The following POLR3B variants were observed in gnomAD, a reference collection of about 807,000 sequenced individuals.
The protein encoded by POLR3B is DNA-directed RNA polymerase III subunit RPC2.
A neutral mutation model predicts 147.4 loss-of-function variants in POLR3B; 96 were observed. The observed-to-expected ratio is 0.65, with a 90% confidence interval of 0.55 to 0.77. The LOEUF (loss-of-function observed/expected upper bound fraction) is 0.77. Among genes scored for constraint, POLR3B ranks in the 30% least tolerant of loss-of-function variants. The probability of loss-of-function intolerance (pLI) is 0.00; values close to 1 mark genes in which losing one functional copy is unlikely to be tolerated. For missense variants in POLR3B, 1,036 were observed against 1,413.5 expected, an observed-to-expected ratio of 0.73 and a Z score of 4.28; for synonymous variants, 461 against 485.9, an observed-to-expected ratio of 0.95 and a Z score of 0.67.
chr12:106,370,630 TG>T (rs1479893124), intron 6 of POLR3B, among the ~76,000 whole-genome samples: 99 of 149,760 alleles, frequency 6.6e-4, no homozygotes, highest in South Asian at 2.5e-3. Flanking sequence ...TTTGTTTTAT[TG>T]TTTTTTTTTT....
chr12:106,381,759 G>A (rs1255471449), intron 9 of POLR3B, among the ~76,000 whole-genome samples: 1 of 152,176 alleles, frequency 6.6e-6, no homozygotes. Flanking sequence ...TAAAGTGAAA[G>A]CAAGTTTATA....
At chr12:106,406,355 G>T (rs556209538) in intron 11 of POLR3B, among the ~76,000 whole-genome samples, 1 of 152,114 alleles carries the variant, frequency 6.6e-6, no homozygotes, top group South Asian at 2.1e-4. Flanking sequence ...ATTTTTTATT[G>T]TATGGTAAAA....
chr12:106,384,020 C>T (rs953269187), intron 9 of POLR3B, among the ~76,000 whole-genome samples: 7 of 150,972 alleles, frequency 4.6e-5, no homozygotes, highest in Non-Finnish European at 1.0e-4. Context: ...TCATTGATCA[C>T]AGGTCCCCAT....
At chr12:106,367,158 C>G (rs1025245534) in intron 4 of POLR3B, among the ~76,000 whole-genome samples, 2 of 152,070 alleles carry the variant, frequency 1.3e-5, no homozygotes, top group Non-Finnish European at 2.9e-5. Context: ...ATAAAGTGCT[C>G]AAATTAAATT....
At position 106,402,668 on chromosome 12, in the gene POLR3B, A is replaced by T. The variant is rs1483370539; in HGVS notation, c.847-3189A>T. On this transcript the variant is annotated intron_variant, in intron 10 of 27. Coordinates refer to ENST00000228347, the MANE Select transcript of POLR3B (RefSeq NM_018082.6). Reference sequence around the variant, plus strand: ...GAAATAATGCCACATATCTACAACTATCTGATCTTTGACAAACCTGACAAA... The same window carrying T: ...GAAATAATGCCACATATCTACAACTTTCTGATCTTTGACAAACCTGACAAA... 1.2e-4 allele frequency among the ~76,000 whole-genome samples: 18 copies of T among 152,302 alleles called. No homozygotes were observed. In the East Asian group the frequency reaches 3.5e-3, roughly 29 times the overall value.
intron 23 of POLR3B, among the ~76,000 whole-genome samples, chr12:106,484,251 C>T (rs10444532): frequency 0.24 from 36,152 of 151,992 alleles, 4,697 homozygotes; most frequent in African/African-American, 0.33. Context: ...GGTTTTAATC[C>T]GGTAAACGAT....
intron 19 of POLR3B, among the ~76,000 whole-genome samples, chr12:106,445,388 A>C (rs1041810805): frequency 6.6e-6 from 1 of 152,142 alleles, no homozygotes; most frequent in Non-Finnish European, 1.5e-5. Context: ...TTTTTTCTGA[A>C]GGGTAGAGCT....
chr12:106,492,252 T>G (rs2038416475), intron 23 of POLR3B, among the ~76,000 whole-genome samples: 1 of 152,164 alleles, frequency 6.6e-6, no homozygotes, highest in Non-Finnish European at 1.5e-5. Flanking sequence ...CTTGAATATG[T>G]CAGTTGCTGT....
Position 106,414,221 on chromosome 12 carries a change from T to TAAA in POLR3B, c.1101+3279_1101+3281dup, listed in dbSNP as rs5800711. ...CCATGTTCAGGATGGGATACAAAAG[T>TAAA]AAAAAAAAAAAAAAAAAAAATTCCA... On this transcript the variant is annotated intron_variant, in intron 12 of 27. Transcript: ENST00000228347. Among the ~76,000 whole-genome samples, 551 of 121,054 alleles carry TAAA rather than the reference T, an allele frequency of 4.6e-3. 11 individuals are homozygous for TAAA. The highest frequency in any genetic ancestry group is 0.013 in the South Asian group (49 of 3,738). The allele number at this position is 121,054 out of a possible 152,430, so 79.4% of individuals were successfully genotyped here. A position where few individuals can be genotyped will look rare whatever the true frequency, so the allele number is the denominator to read the frequency against.
At position 106,378,316 on chromosome 12, in the gene POLR3B, G is replaced by A. The variant is rs761499674; in HGVS notation, c.546G>A (p.Glu182=). The change falls in exon 8 of 28, where the codon GAG becomes GAA. Residue 182 remains glutamate (E), a synonymous_variant. Transcript: ENST00000228347. Reference sequence around the variant, plus strand: ...TAGAAAAAGTTATTCTTATCCAAGAGCAGCTGTCTAAGAACAGGATCATCG... The same window carrying A: ...TAGAAAAAGTTATTCTTATCCAAGAACAGCTGTCTAAGAACAGGATCATCG... The part of the protein sequence containing the change: ...KGVEKVILIQ[E]QLSKNRIIVE... 3.1e-5 allele frequency: 50 copies of A among 1,613,822 alleles called. No individual in the cohort carries two copies. The highest frequency in any genetic ancestry group is 3.9e-5 in the Non-Finnish European group (46 of 1,179,842).
chr12:106,380,055 A>G lies in POLR3B; in HGVS notation c.639A>G (p.Arg213=), dbSNP rs1565878352. 2 of 1,613,128 alleles carry G rather than the reference A, an allele frequency of 1.2e-6. No homozygotes were observed. Among genetic ancestry groups the G allele is most frequent in the Non-Finnish European group, 1.7e-6 (2 of 1,179,320 alleles). Residue 213 remains arginine, a synonymous_variant, in exon 9 of 28, where the codon AGA becomes AGG. Transcript: ENST00000228347. ...VTSSTHEKKS[R]TNMAVKQGRF... ...GCTCTACCCATGAGAAAAAAAGCAG[A>G]ACCAATATGGCTGTGAAACAAGGAC...
intron 9 of POLR3B, among the ~76,000 whole-genome samples, chr12:106,389,066 G>A (rs1309395171): frequency 6.6e-6 from 1 of 152,158 alleles, no homozygotes; most frequent in Non-Finnish European, 1.5e-5. Context: ...TCAGATATCT[G>A]GAGTACAAAG....
chr12:106,389,450 A>G (rs1420309638), intron 9 of POLR3B, among the ~76,000 whole-genome samples: 4 of 152,192 alleles, frequency 2.6e-5, no homozygotes, highest in African/African-American at 9.7e-5. Flanking sequence ...GACATTTGAG[A>G]ATTTTATGCA....
At chr12:106,459,107 G>T in intron 21 of POLR3B, 144 bp from the exon 22 acceptor site, 1 of 665,344 alleles carries the variant, frequency 1.5e-6, no homozygotes, top group Non-Finnish European at 2.8e-6. Flanking sequence ...GCTCACTGCA[G>T]CCTCAACCTA....
intron 21 of POLR3B, among the ~76,000 whole-genome samples, chr12:106,458,185 A>C (rs909356360): frequency 1.6e-4 from 25 of 152,076 alleles, no homozygotes; most frequent in Admixed American, 1.6e-3. Flanking sequence ...GCAGTGGCAC[A>C]ATCTCAGCTC....
intron 19 of POLR3B, among the ~76,000 whole-genome samples, chr12:106,454,120 T>G (rs1350593495): frequency 6.6e-6 from 1 of 152,178 alleles, no homozygotes; most frequent in Non-Finnish European, 1.5e-5. Context: ...TCCTCGGATG[T>G]GAACACTGGG....
chr12:106,457,063 G>T, intron 20 of POLR3B, 75 bp from the exon 21 acceptor site: 2 of 1,278,284 alleles, frequency 1.6e-6, no homozygotes, highest in Non-Finnish European at 2.3e-6. Flanking sequence ...GTGGATTGTT[G>T]AGTAGCACAA....
chr12:106,383,355 A>G (rs918987151), intron 9 of POLR3B, among the ~76,000 whole-genome samples: 1 of 152,170 alleles, frequency 6.6e-6, no homozygotes, highest in African/African-American at 2.4e-5. Context: ...TGTGTGCACA[A>G]CTTGGTGCAG....
At chr12:106,493,181 C>G (rs1228425945) in intron 23 of POLR3B, among the ~76,000 whole-genome samples, 1 of 152,148 alleles carries the variant, frequency 6.6e-6, no homozygotes, top group Non-Finnish European at 1.5e-5. Context: ...TTTCAAGGAT[C>G]CAGGGGAGTG....
Sources: allele counts gnomAD v4.1 joint callset (sites outside exome capture counted in the v4.1 genomes callset), GRCh38; gene constraint gnomAD v4.1.1; transcripts MANE v1.5; gene names NCBI Gene and HGNC (gene_info 2026-07-23, HGNC 2026-07-21).